Variants in FREM3 observed in about 807,000 individuals in gnomAD.
FREM3 encodes FRAS1 related extracellular matrix 3.
FREM3 carries 105 observed loss-of-function variants against 129.1 expected under a neutral mutation model. The ratio of observed to expected loss-of-function variants is 0.81; its 90% CI spans 0.69 to 0.96. FREM3 has a LOEUF of 0.96. Among genes scored for constraint, FREM3 ranks in the 40% least tolerant of loss-of-function variants. The pLI is 0.00. For synonymous variants in FREM3, 1,014 were observed against 1,044.9 expected (o/e 0.97, Z 0.57); for missense variants, 2,593 against 2,666.3 (o/e 0.97, Z 0.61).
Position 143,699,673 on chromosome 4 carries a change from C to G in FREM3, c.1003G>C (p.Val335Leu), listed in dbSNP as rs1171359664. Reference protein sequence around the residue: ...LTPDALAAEDVESDPGDLVFN... With the variant: ...LTPDALAAEDLESDPGDLVFN... Reference sequence around the variant, plus strand: ...ACCAGGTCACCAGGGTCTGACTCGACGTCCTCCGCGGCCAGTGCGTCAGGC... The same window carrying G: ...ACCAGGTCACCAGGGTCTGACTCGAGGTCCTCCGCGGCCAGTGCGTCAGGC... Residue 335 changes from valine to leucine, a missense_variant, in exon 1 of 8, where the codon GTC (valine) becomes CTC (leucine). By Grantham distance (32) the Val-to-Leu change is conservative. This residue lies in a region of FREM3 where 2,276 missense variants were observed against 2,267.2 expected (regional missense o/e 1.00). Coordinates refer to ENST00000329798, the MANE Select transcript of FREM3 (RefSeq NM_001168235.2). The surrounding 1 kb of genome is among the most constrained non-coding windows in gnomAD (Gnocchi z 4.2). 2.6e-6 allele frequency: 4 copies of G among 1,527,838 alleles called. No homozygotes were observed. The highest frequency in any genetic ancestry group is 3.5e-6 in the Non-Finnish European group (4 of 1,141,604). The allele number at this position is 1,527,838 out of a possible 1,614,324, so 94.6% of individuals were successfully genotyped here.
At chr4:143,619,772 A>G (rs1054196078) in intron 5 of FREM3, among the ~76,000 whole-genome samples, 5 of 152,036 alleles carry the variant, frequency 3.3e-5, no homozygotes, top group African/African-American at 1.2e-4. Context: ...TGGGGACCTC[A>G]AGGCCCTACT....
chr4:143,690,691 A>G lies in FREM3; in HGVS notation c.5275+2422T>C, dbSNP rs1300590121. Among the ~76,000 whole-genome samples the G allele has an allele frequency of 2.6e-5, 4 of 152,230 alleles. No homozygotes were observed. The East Asian group carries it at 7.7e-4, about 29-fold the overall frequency. ...ATCTTTTTAAGGTGAGGGCATTTTG[A>G]AAGAAAAAAGATTAAGTCAGCCACT... On this transcript the variant is annotated intron_variant, in intron 2 of 7. Coordinates refer to ENST00000329798, the MANE Select transcript of FREM3 (RefSeq NM_001168235.2).
At chr4:143,591,395 C>T (rs2149834970) in intron 6 of FREM3, among the ~76,000 whole-genome samples, 1 of 152,330 alleles carries the variant, frequency 6.6e-6, no homozygotes, top group South Asian at 2.1e-4. Context: ...AAATTTCCCT[C>T]TACACACTGC....
At chr4:143,587,654 G>A (rs1738265689) in intron 6 of FREM3, among the ~76,000 whole-genome samples, 1 of 152,162 alleles carries the variant, frequency 6.6e-6, no homozygotes, top group Non-Finnish European at 1.5e-5. Flanking sequence ...GGCAGGAGTA[G>A]CAGGAAAGTT....
intron 2 of FREM3, among the ~76,000 whole-genome samples, chr4:143,682,647 G>A (rs935523866): frequency 2.6e-5 from 4 of 152,104 alleles, no homozygotes; most frequent in Non-Finnish European, 5.9e-5. Context: ...CCAATTCTTA[G>A]TTCAAAATGC....
chr4:143,612,606 A>C (rs1276751397), intron 5 of FREM3, among the ~76,000 whole-genome samples: 1 of 152,204 alleles, frequency 6.6e-6, no homozygotes, highest in Non-Finnish European at 1.5e-5. Flanking sequence ...TAATAGCAAT[A>C]ACCACAATTA....
At chr4:143,659,609 G>A (rs1353638681) in intron 2 of FREM3, among the ~76,000 whole-genome samples, 1 of 139,932 alleles carries the variant, frequency 7.1e-6, no homozygotes, top group Non-Finnish European at 1.5e-5. Context: ...TAATGGGATG[G>A]CTGGGTCAAA....
intron 4 of FREM3, among the ~76,000 whole-genome samples, chr4:143,621,474 A>G (rs989482769): frequency 6.6e-6 from 1 of 152,156 alleles, no homozygotes; most frequent in African/African-American, 2.4e-5. Context: ...TTCTAAATGG[A>G]GATCACATAT....
chr4:143,684,094 G>C (rs1173602425), intron 2 of FREM3, among the ~76,000 whole-genome samples: 1 of 152,076 alleles, frequency 6.6e-6, no homozygotes, highest in South Asian at 2.1e-4. Context: ...AAGACAAAGG[G>C]CATATAATCT....
At chr4:143,613,004 C>T (rs1045242528) in intron 5 of FREM3, among the ~76,000 whole-genome samples, 7 of 152,148 alleles carry the variant, frequency 4.6e-5, no homozygotes, top group Non-Finnish European at 1.5e-5. Context: ...TCTAAACATC[C>T]GTACAAGTTG....
At chr4:143,604,746 A>G (rs772146347) in intron 6 of FREM3, among the ~76,000 whole-genome samples, 11 of 152,136 alleles carry the variant, frequency 7.2e-5, no homozygotes, top group Admixed American at 6.5e-5. Context: ...ACAGATGACC[A>G]TGTATGTGGA....
chr4:143,678,088 C>T (rs1740178182), intron 2 of FREM3, among the ~76,000 whole-genome samples: 1 of 152,174 alleles, frequency 6.6e-6, no homozygotes, highest in African/African-American at 2.4e-5. Context: ...GACACATGCA[C>T]ACGTATGTTT....
In FREM3 at chr4:143,696,589, C is replaced by T; in HGVS notation, c.4087G>A (p.Gly1363Arg). The change falls in exon 1 of 8, where the codon GGA becomes AGA. Residue 1363 changes from glycine to arginine, a missense_variant. Coordinates refer to ENST00000329798, the MANE Select transcript of FREM3 (RefSeq NM_001168235.2). ...GLLQRLRKPR[G>R]EVRNNLTLGM... The stretch of plus-strand genomic sequence containing the variant: ...AGAGTAAGATTGTTCCTCACTTCTC[C>T]TCTGGGTTTTCTCAGCCTCTGTAGA... The T allele has an allele frequency of 6.5e-7, 1 of 1,537,580 alleles. No individual in the cohort carries two copies. Among genetic ancestry groups the T allele is most frequent in the Non-Finnish European group, 8.7e-7 (1 of 1,146,974 alleles).
At chr4:143,593,929 G>C (rs184867735) in intron 6 of FREM3, among the ~76,000 whole-genome samples, 1 of 152,212 alleles carries the variant, frequency 6.6e-6, no homozygotes, top group Non-Finnish European at 1.5e-5. Flanking sequence ...CGGCAATGGC[G>C]GGTGCCCCTC....
At chr4:143,695,334 C>T (rs1241637889) in intron 1 of FREM3, among the ~76,000 whole-genome samples, 157 bp downstream of exon 1, 1 of 152,078 alleles carries the variant, frequency 6.6e-6, no homozygotes, top group Admixed American at 6.5e-5. Flanking sequence ...GACTTGTTGC[C>T]TTTTTTGTTT....
intron 2 of FREM3, among the ~76,000 whole-genome samples, chr4:143,638,544 G>A (rs938334789): frequency 6.6e-5 from 10 of 152,022 alleles, no homozygotes; most frequent in African/African-American, 2.4e-4. Context: ...GCTCATTTTC[G>A]GATACGATCT....
rs1578876428 is a variant in FREM3, at chr4:143,698,458, G to C, written c.2218C>G (p.Leu740Val). ...GGGAGTGTCAGTAGGGTGTACCATA[G>C]GTTCTGGTCATCAGAGTCCTGGTCA... ...YIDQDSDDQN[L>V]WYTLLTLPTD... The change falls in exon 1 of 8, where the codon CTA (leucine) becomes GTA (valine). Residue 740 changes from leucine to valine, a missense_variant. Transcript: ENST00000329798. The C allele has an allele frequency of 7.2e-6, 11 of 1,537,868 alleles. No homozygotes were observed. The highest frequency in any genetic ancestry group is 9.6e-6 in the Non-Finnish European group (11 of 1,147,052).
At chr4:143,681,210 T>C (rs1253397898) in intron 2 of FREM3, among the ~76,000 whole-genome samples, 1 of 152,104 alleles carries the variant, frequency 6.6e-6, no homozygotes, top group African/African-American at 2.4e-5. Flanking sequence ...GTATAGATGA[T>C]TTTTATTCCT....
chr4:143,586,017 C>T (rs774387137), intron 6 of FREM3, 24 bp from the exon 7 acceptor site: 2 of 1,536,838 alleles, frequency 1.3e-6, no homozygotes, highest in South Asian at 2.4e-5. Flanking sequence ...AAAAGATACA[C>T]TAAGAATGCT....
Sources: allele counts gnomAD v4.1 joint callset (sites outside exome capture counted in the v4.1 genomes callset), GRCh38; gene constraint gnomAD v4.1.1; regional missense constraint gnomAD v4.1.1; non-coding constraint Gnocchi (gnomAD v3.1); transcripts MANE v1.5; gene names NCBI Gene and HGNC (gene_info 2026-07-23, HGNC 2026-07-21).